The following PRKCQ variants were observed in gnomAD, a reference collection of about 807,000 sequenced individuals.
PRKCQ encodes the protein protein kinase C theta.
In PRKCQ, 41 loss-of-function variants were observed where a neutral mutation model predicts 91.2. The observed-to-expected ratio is 0.45, with a 90% confidence interval of 0.35 to 0.58. PRKCQ has a LOEUF of 0.58. Among genes scored for constraint, PRKCQ ranks in the 20% least tolerant of loss-of-function variants. The pLI is 0.00. For missense variants in PRKCQ, 673 were observed against 896.5 expected (o/e 0.75, Z 3.18); for synonymous variants, 307 against 316.9 (o/e 0.97, Z 0.33).
rs748128122 is a variant in PRKCQ, at chr10:6,428,024, G to A, written c.*183C>T. On this transcript the variant is annotated 3_prime_UTR_variant, in exon 18 of 18. Transcript: ENST00000263125. ...GTCAGGAGACGAGACACACGGCATC[G>A]TCATTAGTGAAGTAGACTTGGTTTC... is the stretch of plus-strand genomic sequence containing the variant. The A allele has an allele frequency of 2.9e-5, 20 of 684,510 alleles. No individual in the cohort carries two copies. Among genetic ancestry groups the A allele is most frequent in the Middle Eastern group, 4.1e-4 (1 of 2,462 alleles). The allele number at this position is 684,510 out of a possible 1,614,324, so 42.4% of individuals were successfully genotyped here.
chr10:6,404,072 A>C, the PRKCQ span, among the ~76,000 whole-genome samples: 2 of 152,158 alleles, frequency 1.3e-5, no homozygotes, highest in African/African-American at 2.4e-5. Context: ...TACAGATTCT[A>C]ATAACTGAGA....
At position 6,427,662 on chromosome 10, in the gene PRKCQ, T is replaced by C. The variant is rs2132216193; in HGVS notation, c.*545A>G. The C allele has an allele frequency of 6.6e-6, 1 of 152,608 alleles. No homozygotes were observed. The highest frequency in any genetic ancestry group is 2.1e-4 in the South Asian group (1 of 4,840). The allele number at this position is 152,608 out of a possible 1,614,324, so 9.5% of individuals were successfully genotyped here. On this transcript the variant is annotated 3_prime_UTR_variant, in exon 18 of 18. Transcript: ENST00000263125. The stretch of plus-strand genomic sequence containing the variant: ...CTCAAGTTACAAGCTATGTTTATTG[T>C]AAAGAATTCCCATAAAAACCTATCC...
the PRKCQ span, among the ~76,000 whole-genome samples, chr10:6,413,500 ACACACACT>A: frequency 2.8e-5 from 3 of 107,202 alleles, 1 homozygote; most frequent in African/African-American, 7.7e-5. Flanking sequence ...ACACACACAC[ACACACACT>A]AGGAAGCACT....
intron 15 of PRKCQ, 66 bp from the exon 16 acceptor site, chr10:6,442,147 A>G: frequency 6.7e-7 from 1 of 1,488,120 alleles, no homozygotes; most frequent in South Asian, 1.2e-5. Flanking sequence ...ACTCTTCCTG[A>G]GCGTCTCAAG....
At chr10:6,566,454 G>A (rs147716431) in intron 1 of PRKCQ, among the ~76,000 whole-genome samples, 23 of 152,180 alleles carry the variant, frequency 1.5e-4, no homozygotes, top group African/African-American at 4.8e-4. Flanking sequence ...TCGAATCAGG[G>A]GGAATCCTAG....
intron 1 of PRKCQ, among the ~76,000 whole-genome samples, chr10:6,527,204 C>G (rs1053243603): frequency 6.6e-6 from 1 of 152,162 alleles, no homozygotes; most frequent in Non-Finnish European, 1.5e-5. Flanking sequence ...AATTAAGACA[C>G]ATGAACTAAG....
At chr10:6,485,787 T>C (rs1270187121) in intron 9 of PRKCQ, among the ~76,000 whole-genome samples, 2 of 152,242 alleles carry the variant, frequency 1.3e-5, no homozygotes, top group Non-Finnish European at 2.9e-5. Flanking sequence ...ATGAATTTAT[T>C]TGTTTCTGCA....
At chr10:6,558,378 TG>T (rs1217659020) in intron 1 of PRKCQ, among the ~76,000 whole-genome samples, 4 of 152,334 alleles carry the variant, frequency 2.6e-5, no homozygotes, top group Middle Eastern at 3.4e-3. Flanking sequence ...AGTACTATTT[TG>T]TTTTTTTTAA....
At chr10:6,419,862 T>C in the PRKCQ span, among the ~76,000 whole-genome samples, 1 of 152,078 alleles carries the variant, frequency 6.6e-6, no homozygotes. Context: ...CTAATTTTTG[T>C]ATTTTTAGTA....
intron 17 of PRKCQ, among the ~76,000 whole-genome samples, 173 bp from the exon 18 acceptor site, chr10:6,428,535 G>A (rs1310488787): frequency 1.3e-5 from 2 of 152,140 alleles, no homozygotes; most frequent in Non-Finnish European, 2.9e-5. Flanking sequence ...ATTGAACATG[G>A]CTGTGATCCT....
the PRKCQ span, among the ~76,000 whole-genome samples, chr10:6,415,169 G>T: frequency 2.6e-5 from 4 of 151,330 alleles, no homozygotes; most frequent in African/African-American, 9.7e-5. Flanking sequence ...TGCCATGTTG[G>T]CCAGGTTGGT....
At chr10:6,528,258 C>T (rs1170532518) in intron 1 of PRKCQ, among the ~76,000 whole-genome samples, 1 of 152,090 alleles carries the variant, frequency 6.6e-6, no homozygotes, top group East Asian at 1.9e-4. Flanking sequence ...AAACTTGCCT[C>T]AGTCACTCAT....
intron 1 of PRKCQ, among the ~76,000 whole-genome samples, chr10:6,551,247 A>G (rs1295362589): frequency 1.3e-5 from 2 of 152,180 alleles, no homozygotes; most frequent in African/African-American, 4.8e-5. Flanking sequence ...AAGTGAGAAC[A>G]TGCCACATTT....
chr10:6,527,123 T>C (rs1839228301), intron 1 of PRKCQ, among the ~76,000 whole-genome samples: 1 of 152,138 alleles, frequency 6.6e-6, no homozygotes, highest in Non-Finnish European at 1.5e-5. Context: ...CATGAGAAGA[T>C]GAGACATTTT....
intron 12 of PRKCQ, among the ~76,000 whole-genome samples, chr10:6,471,672 C>T (rs1437304753): frequency 6.6e-6 from 1 of 152,160 alleles, no homozygotes; most frequent in Non-Finnish European, 1.5e-5. Flanking sequence ...ATCACTTGAA[C>T]CCAGGAGATG....
At chr10:6,452,727 A>G (rs1834765150) in intron 15 of PRKCQ, among the ~76,000 whole-genome samples, 2 of 150,770 alleles carry the variant, frequency 1.3e-5, no homozygotes, top group Non-Finnish European at 1.5e-5. Flanking sequence ...AAACAGAGAT[A>G]TAGATCAATG....
the PRKCQ span, among the ~76,000 whole-genome samples, chr10:6,400,790 G>A: frequency 1.3e-5 from 2 of 150,880 alleles, no homozygotes; most frequent in East Asian, 3.9e-4. Context: ...GAGGTGGGAC[G>A]ATGCTTGAGC....
At chr10:6,414,735 T>C in the PRKCQ span, among the ~76,000 whole-genome samples, 1 of 150,638 alleles carries the variant, frequency 6.6e-6, no homozygotes, top group African/African-American at 2.4e-5. Flanking sequence ...TAAAGATTTG[T>C]ACATCTGAAA....
chr10:6,488,948 A>AT (rs963318952), intron 8 of PRKCQ, among the ~76,000 whole-genome samples: 1 of 150,772 alleles, frequency 6.6e-6, no homozygotes, highest in East Asian at 2.0e-4. Flanking sequence ...CACCCGACTA[A>AT]TTTTTTTATT....
Sources: allele counts gnomAD v4.1 joint callset (sites outside exome capture counted in the v4.1 genomes callset), GRCh38; gene constraint gnomAD v4.1.1; transcripts MANE v1.5; gene names NCBI Gene and HGNC (gene_info 2026-07-23, HGNC 2026-07-21).